KBTBD12: variants seen among roughly 807,000 people sequenced by gnomAD.
The protein encoded by KBTBD12 is kelch repeat and BTB domain-containing protein 12.
In KBTBD12, 53 loss-of-function variants were observed where a neutral mutation model predicts 58.7. That is an observed-to-expected ratio of 0.90 (90% CI 0.72 to 1.14). The LOEUF is 1.14. Among genes scored for constraint, KBTBD12 ranks in the 50% most tolerant of loss-of-function variants. KBTBD12 has a pLI of 0.00. For missense variants in KBTBD12, 704 were observed against 751.3 expected (o/e 0.94, Z 0.74); for synonymous variants, 236 against 259.8 (o/e 0.91, Z 0.88).
intron 2 of KBTBD12, among the ~76,000 whole-genome samples, chr3:127,925,740 T>A (rs974144661): frequency 1.5e-4 from 23 of 152,318 alleles, no homozygotes; most frequent in African/African-American, 4.6e-4. Context: ...TTTCTTCCAA[T>A]AATGAAATTG....
chr3:127,961,940 G>A (rs1055906635), intron 4 of KBTBD12, among the ~76,000 whole-genome samples: 9 of 152,198 alleles, frequency 5.9e-5, no homozygotes, highest in African/African-American at 2.2e-4. Flanking sequence ...TATAGTAAAA[G>A]CCATGAGATC....
In KBTBD12 at chr3:127,944,590, G is replaced by A. The variant is rs372359471; in HGVS notation, c.1492+14307G>A. Among the ~76,000 whole-genome samples, 8 of 152,192 alleles carry A rather than the reference G, an allele frequency of 5.3e-5. 1 individual carries two copies. The South Asian group carries it at 1.2e-3, about 24-fold the overall frequency. Reference sequence around the variant, plus strand: ...ATTTTTTTGTGGAATCTTTAGGCTTGTCTATATGTAGGATCATGTCATCTG... The same window carrying A: ...ATTTTTTTGTGGAATCTTTAGGCTTATCTATATGTAGGATCATGTCATCTG... On this transcript the variant is annotated intron_variant, in intron 4 of 5. Coordinates refer to ENST00000405109, the MANE Select transcript of KBTBD12 (RefSeq NM_207335.4).
chr3:127,915,806 G>A (rs1939220517), intron 1 of KBTBD12, among the ~76,000 whole-genome samples: 1 of 152,196 alleles, frequency 6.6e-6, no homozygotes, highest in South Asian at 2.1e-4. Flanking sequence ...GACCTTCACC[G>A]TCGGGTTGTT....
At chr3:127,980,634 G>A (rs930363183) in intron 5 of KBTBD12, among the ~76,000 whole-genome samples, 3 of 152,158 alleles carry the variant, frequency 2.0e-5, no homozygotes, top group Non-Finnish European at 2.9e-5. Flanking sequence ...CTGGCCGAGT[G>A]TAGTTGTCTT....
chr3:127,977,619 G>T (rs919543360), intron 5 of KBTBD12, among the ~76,000 whole-genome samples: 23 of 152,288 alleles, frequency 1.5e-4, no homozygotes, highest in Middle Eastern at 3.4e-3. Flanking sequence ...TTGGCCGTGT[G>T]TATGTCTTCT....
chr3:127,939,409 A>G, intron 4 of KBTBD12, among the ~76,000 whole-genome samples: 1 of 150,946 alleles, frequency 6.6e-6, no homozygotes, highest in Non-Finnish European at 1.5e-5. Context: ...TGAAAATACC[A>G]GGGAGATCTC....
At chr3:127,949,969 A>G (rs1940170125) in intron 4 of KBTBD12, among the ~76,000 whole-genome samples, 1 of 152,192 alleles carries the variant, frequency 6.6e-6, no homozygotes. Flanking sequence ...TCACTAAATT[A>G]TGACTTGGAT....
At chr3:127,925,570 C>G (rs1939551703) in intron 2 of KBTBD12, among the ~76,000 whole-genome samples, 1 of 152,154 alleles carries the variant, frequency 6.6e-6, no homozygotes, top group South Asian at 2.1e-4. Context: ...TTCCTTTTAA[C>G]TTATTGAGAG....
intron 1 of KBTBD12, 78 bp downstream of exon 1, chr3:127,915,664 G>A (rs1939214830): frequency 6.6e-6 from 1 of 152,230 alleles, no homozygotes; most frequent in African/African-American, 2.4e-5. Flanking sequence ...GGTTGAACCT[G>A]GGCGCCGACC....
At chr3:127,976,391 T>C (rs1303566558) in intron 5 of KBTBD12, among the ~76,000 whole-genome samples, 1 of 152,236 alleles carries the variant, frequency 6.6e-6, no homozygotes, top group Admixed American at 6.5e-5. Flanking sequence ...CCCCCCTTTT[T>C]ACAACATTAA....
intron 1 of KBTBD12, among the ~76,000 whole-genome samples, chr3:127,919,787 T>C (rs940148914): frequency 7.4e-6 from 1 of 134,298 alleles, no homozygotes; most frequent in Non-Finnish European, 1.6e-5. Context: ...CTCTCTCTAA[T>C]ATATATATAT....
At chr3:127,969,075 G>C (rs1480967560) in intron 5 of KBTBD12, among the ~76,000 whole-genome samples, 10 of 152,162 alleles carry the variant, frequency 6.6e-5, no homozygotes, top group Admixed American at 6.5e-4. Context: ...CATTATACTG[G>C]AGGTTCTAAT....
At chr3:127,951,422 G>A (rs1446719796) in intron 4 of KBTBD12, among the ~76,000 whole-genome samples, 1 of 152,310 alleles carries the variant, frequency 6.6e-6, no homozygotes, top group Non-Finnish European at 1.5e-5. Flanking sequence ...CATTGCTGAG[G>A]CAGGAAGGGG....
At chr3:127,976,219 TTTTA>T (rs1940779985) in intron 5 of KBTBD12, among the ~76,000 whole-genome samples, 1 of 152,218 alleles carries the variant, frequency 6.6e-6, no homozygotes, top group South Asian at 2.1e-4. Flanking sequence ...GATTCCATAT[TTTTA>T]TTTATTCTAC....
chr3:127,965,404 C>T (rs918941105), intron 5 of KBTBD12, among the ~76,000 whole-genome samples: 1 of 152,064 alleles, frequency 6.6e-6, no homozygotes, highest in Non-Finnish European at 1.5e-5. Context: ...GTTTGGGATT[C>T]GCTGAATGAA....
intron 4 of KBTBD12, among the ~76,000 whole-genome samples, chr3:127,944,786 T>G (rs1429575582): frequency 6.6e-6 from 1 of 152,226 alleles, no homozygotes; most frequent in Non-Finnish European, 1.5e-5. Flanking sequence ...CCACTGATTA[T>G]GATGTTAGCT....
At chr3:127,951,353 T>G (rs934084898) in intron 4 of KBTBD12, among the ~76,000 whole-genome samples, 1 of 152,194 alleles carries the variant, frequency 6.6e-6, no homozygotes, top group African/African-American at 2.4e-5. Flanking sequence ...TTTGGTTTAA[T>G]GTTGGTTACA....
rs371289753 is a variant in KBTBD12, at chr3:127,920,340, T to C, written c.-112-2610T>C. The stretch of plus-strand genomic sequence containing the variant: ...TATATTCTACAGTCTTTTTCACACA[T>C]TATTATGTTTGTGAGATACAGCCAT... On this transcript the variant is annotated intron_variant, in intron 1 of 5. Transcript: ENST00000405109. 3.3e-5 allele frequency among the ~76,000 whole-genome samples: 5 copies of C among 152,184 alleles called. No individual in the cohort carries two copies. The South Asian group carries it at 1.0e-3, about 32-fold the overall frequency.
chr3:127,923,039 T>C lies in KBTBD12; in HGVS notation c.-23T>C, dbSNP rs777221978. ...CAAGCTACACTTAAAGAAGACTTAG[T>C]TGGAAACTTTGGAGAGTAGATCATG... is the stretch of plus-strand genomic sequence containing the variant. On this transcript the variant is annotated 5_prime_UTR_variant, in exon 2 of 6. Transcript: ENST00000405109. 2 of 1,428,736 alleles carry C rather than the reference T, an allele frequency of 1.4e-6. No homozygotes were observed. The highest frequency in any genetic ancestry group is 2.3e-5 in the East Asian group (1 of 43,708). The allele number at this position is 1,428,736 out of a possible 1,614,324, so 88.5% of individuals were successfully genotyped here. A position where few individuals can be genotyped will look rare whatever the true frequency, so the allele number is the denominator to read the frequency against.
Sources: allele counts gnomAD v4.1 joint callset (sites outside exome capture counted in the v4.1 genomes callset), GRCh38; gene constraint gnomAD v4.1.1; transcripts MANE v1.5; gene names NCBI Gene and HGNC (gene_info 2026-07-23, HGNC 2026-07-21).